The following MED6 variants were observed in gnomAD, a reference collection of about 807,000 sequenced individuals.
MED6 encodes mediator complex subunit 6.
In MED6, 33 loss-of-function variants were observed where a neutral mutation model predicts 37.5. The ratio of observed to expected loss-of-function variants is 0.88; its 90% CI spans 0.67 to 1.18. The LOEUF is 1.18. Ranked by LOEUF, MED6 falls within the 50% of genes most tolerant of loss-of-function variation. MED6 has a pLI of 0.00. For missense variants in MED6, 235 were observed against 290.6 expected (o/e 0.81, Z 1.39); for synonymous variants, 94 against 93.6 (o/e 1.00, Z -0.02).
intron 6 of MED6, among the ~76,000 whole-genome samples, chr14:70,590,259 A>T (rs918277918): frequency 5.3e-5 from 8 of 152,204 alleles, no homozygotes; most frequent in African/African-American, 1.9e-4. Context: ...GGTCAACTAC[A>T]CCTAACCTCT....
At chr14:70,598,383 G>A (rs571474510) in intron 1 of MED6, among the ~76,000 whole-genome samples, 7 of 152,252 alleles carry the variant, frequency 4.6e-5, no homozygotes, top group Non-Finnish European at 1.0e-4. Flanking sequence ...GCTGTGGCAG[G>A]AGAATCACTT....
At chr14:70,600,026 G>T (rs1885159262) in intron 1 of MED6, among the ~76,000 whole-genome samples, 1 of 152,000 alleles carries the variant, frequency 6.6e-6, no homozygotes, top group Non-Finnish European at 1.5e-5. Context: ...CAGTTAAGGG[G>T]TGACATCTCC....
intron 3 of MED6, chr14:70,595,295 A>G (rs1417479577): frequency 3.6e-6 from 2 of 548,058 alleles, no homozygotes; most frequent in Non-Finnish European, 7.1e-6. Flanking sequence ...CACAGGAGAC[A>G]TCCTAATACG....
At chr14:70,590,041 A>G (rs2139593232) in intron 6 of MED6, among the ~76,000 whole-genome samples, 1 of 152,350 alleles carries the variant, frequency 6.6e-6, no homozygotes, top group East Asian at 1.9e-4. Flanking sequence ...CAATATTTTT[A>G]AACTACTGAG....
At chr14:70,594,993 G>GGACAATGCCCACATTGTTCTGCAGATC (rs1193982829) in intron 3 of MED6, 1 of 587,236 alleles carries the variant, frequency 1.7e-6, no homozygotes. Flanking sequence ...CAAGTACTGT[G>GGACAATGCCCACATTGTTCTGCAGATC]GACAATGCCC....
Position 70,584,001 on chromosome 14 carries a change from A to C in MED6, c.*812T>G. ...ATTGAAAAAAGAAGTATCTACACAC[A>C]GAATAAGATTAAAATTCACAACACT... On this transcript the variant is annotated 3_prime_UTR_variant, in exon 8 of 8. Transcript: ENST00000256379. 1 of 462,856 alleles carries C rather than the reference A, an allele frequency of 2.2e-6. No individual in the cohort carries two copies. The highest frequency in any genetic ancestry group is 3.8e-6 in the Non-Finnish European group (1 of 262,692). The allele number at this position is 462,856 out of a possible 1,614,324, so 28.7% of individuals were successfully genotyped here.
chr14:70,590,032 A>G (rs1170497920), intron 6 of MED6, among the ~76,000 whole-genome samples: 2 of 152,244 alleles, frequency 1.3e-5, no homozygotes, highest in Non-Finnish European at 2.9e-5. Context: ...ACATATAATC[A>G]ATATTTTTAA....
Position 70,597,774 on chromosome 14 carries a change from T to C in MED6, c.26A>G (p.Asn9Ser), listed in dbSNP as rs1391126534. The part of the protein sequence containing the change: MAAVDIRD[N>S]LLGISWVDSS... ...GTCAACCCAAGAAATTCCCAGCAGA[T>C]TGTCTATGGGAAAGAAAACAAAATG... Residue 9 changes from asparagine to serine, a missense_variant, in exon 2 of 8, where the codon AAT (asparagine) becomes AGT (serine). Physicochemically the swap from Asn to Ser is conservative, Grantham distance 46. Coordinates refer to ENST00000256379, the MANE Select transcript of MED6 (RefSeq NM_005466.4). The C allele has an allele frequency of 3.9e-6, 6 of 1,547,570 alleles. No individual in the cohort carries two copies. Among genetic ancestry groups the C allele is most frequent in the African/African-American group, 2.8e-5 (2 of 70,256 alleles).
chr14:70,591,514 C>A, intron 5 of MED6, 133 bp from the exon 6 acceptor site: 1 of 671,446 alleles, frequency 1.5e-6, no homozygotes, highest in East Asian at 2.9e-5. Flanking sequence ...AGATAATTCC[C>A]AAAATAAGGT....
rs966741101 is a variant in MED6, at chr14:70,593,628, C to T, written c.275-250G>A. Among the ~76,000 whole-genome samples, 9 of 152,162 alleles carry T rather than the reference C, an allele frequency of 5.9e-5. No individual in the cohort carries two copies. In the South Asian group the frequency reaches 1.0e-3, roughly 17 times the overall value. On this transcript the variant is annotated intron_variant, in intron 3 of 7. Transcript: ENST00000256379. Reference sequence around the variant, plus strand: ...AAACCCCAAGTATTTAGTCACTGGCCCTTTTCAGAAAAAGTATGCCCACTG... The same window carrying T: ...AAACCCCAAGTATTTAGTCACTGGCTCTTTTCAGAAAAAGTATGCCCACTG...
intron 3 of MED6, among the ~76,000 whole-genome samples, chr14:70,595,992 T>G (rs1156600956): frequency 6.6e-6 from 1 of 152,218 alleles, no homozygotes; most frequent in African/African-American, 2.4e-5. Flanking sequence ...TGACTGTTAG[T>G]GCTTGAAGAG....
rs754944255 is a variant in MED6, at chr14:70,584,532, C to T, written c.*281G>A. The T allele has an allele frequency of 7.0e-5, 22 of 314,894 alleles. No homozygotes were observed. In the East Asian group the frequency reaches 1.4e-3, roughly 19 times the overall value. 19.5% of individuals were successfully genotyped at this position (314,894 alleles called of 1,614,324 possible). A position where few individuals can be genotyped will look rare whatever the true frequency, so the allele number is the denominator to read the frequency against. On this transcript the variant is annotated 3_prime_UTR_variant, in exon 8 of 8. Transcript: ENST00000256379. ...CTGGGACTATGGGCGCCCGCCACCA[C>T]GCCCGGCTAATTTTTGTATTTTTAG...
At chr14:70,591,617 T>TA in intron 5 of MED6, 2 of 368,388 alleles carry the variant, frequency 5.4e-6, no homozygotes, top group Non-Finnish European at 9.7e-6. Flanking sequence ...CTTTTAAAGA[T>TA]ACTTCAGTTT....
intron 2 of MED6, 189 bp from the exon 3 acceptor site, chr14:70,596,891 A>G (rs993456781): frequency 4.0e-6 from 2 of 495,654 alleles, no homozygotes; most frequent in African/African-American, 3.8e-5. Flanking sequence ...TAGATAAAGT[A>G]AGACTTGTTT....
chr14:70,584,618 C>T lies in MED6; in HGVS notation c.*195G>A. 5.3e-6 allele frequency: 3 copies of T among 561,284 alleles called. No individual in the cohort carries two copies. Among genetic ancestry groups the T allele is most frequent in the East Asian group, 3.6e-5 (1 of 27,604 alleles). 34.8% of individuals were successfully genotyped at this position (561,284 alleles called of 1,614,324 possible). ...CTTGAACTTCTGACCTCAAGTGATC[C>T]ACCCGCCATGGCCTCCCAAAGTGCT... is the stretch of plus-strand genomic sequence containing the variant. On this transcript the variant is annotated 3_prime_UTR_variant, in exon 8 of 8. Coordinates refer to ENST00000256379, the MANE Select transcript of MED6 (RefSeq NM_005466.4).
intron 5 of MED6, 142 bp downstream of exon 5, chr14:70,592,738 G>A: frequency 1.2e-6 from 1 of 815,012 alleles, no homozygotes. Flanking sequence ...CTAGTTACAT[G>A]AATCTCAGCT....
chr14:70,585,555 C>CTT (rs77491908), intron 7 of MED6, among the ~76,000 whole-genome samples: 5 of 129,422 alleles, frequency 3.9e-5, no homozygotes, highest in African/African-American at 1.3e-4. Context: ...CATTATGAGA[C>CTT]TTTTTTTTTT....
rs539393122 is a variant in MED6, at chr14:70,584,312, C to T, written c.*501G>A. 25 of 540,592 alleles carry T rather than the reference C, an allele frequency of 4.6e-5. No homozygotes were observed. The highest frequency in any genetic ancestry group is 3.9e-4 in the South Asian group (14 of 35,564). The allele number at this position is 540,592 out of a possible 1,614,324, so 33.5% of individuals were successfully genotyped here. Reference sequence around the variant, plus strand: ...TGTGAGTGTGTAGGTTGCTCAAGTCCGGGAGAGGAAAGGTTACAGAAGACA... The same window carrying T: ...TGTGAGTGTGTAGGTTGCTCAAGTCTGGGAGAGGAAAGGTTACAGAAGACA... On this transcript the variant is annotated 3_prime_UTR_variant, in exon 8 of 8. Coordinates refer to ENST00000256379, the MANE Select transcript of MED6 (RefSeq NM_005466.4).
chr14:70,588,984 C>T (rs1186999950), intron 6 of MED6, among the ~76,000 whole-genome samples: 1 of 152,090 alleles, frequency 6.6e-6, no homozygotes, highest in Non-Finnish European at 1.5e-5. Flanking sequence ...ATCAAGGCAG[C>T]ATCCCTAGCC....
Sources: gnomAD v4.1 joint callset for allele counts (sites outside exome capture counted in the v4.1 genomes callset) on GRCh38, gnomAD v4.1.1 for gene constraint, MANE v1.5 for transcripts, NCBI Gene and HGNC (gene_info 2026-07-23, HGNC 2026-07-21) for gene names.